The following CEPT1 variants were observed in gnomAD, a reference collection of about 807,000 sequenced individuals.
CEPT1 encodes the protein choline/ethanolamine phosphotransferase 1, also known as choline/ethanolaminephosphotransferase 1.
Under a neutral mutation model 42.6 loss-of-function variants are expected in CEPT1, and 7 were observed. The observed-to-expected ratio is 0.16, with a 90% CI of 0.09 to 0.31. CEPT1 has a LOEUF of 0.31. CEPT1 is among the 10% of genes least tolerant of loss of function. CEPT1 has a pLI of 1.00. For missense variants in CEPT1, 306 were observed against 502.1 expected (o/e 0.61, Z 3.73); for synonymous variants, 171 against 171.9 (o/e 0.99, Z 0.04).
Position 111,159,547 on chromosome 1 carries a change from T to C in CEPT1, c.487+20T>C. ...CAACAGGTATTGTTGATTTTTTTAA[T>C]GTTATTGATTATTAACAATGGTTAA... On this transcript the variant is annotated intron_variant, in intron 3 of 8. Coordinates refer to ENST00000357172, the MANE Select transcript of CEPT1 (RefSeq NM_006090.5). 4 of 1,595,688 alleles carry C rather than the reference T, an allele frequency of 2.5e-6. No individual in the cohort carries two copies. Among genetic ancestry groups the C allele is most frequent in the Non-Finnish European group, 3.4e-6 (4 of 1,171,418 alleles).
intron 4 of CEPT1, among the ~76,000 whole-genome samples, chr1:111,169,151 T>C (rs1227841658): frequency 6.6e-6 from 1 of 152,208 alleles, no homozygotes; most frequent in Non-Finnish European, 1.5e-5. Flanking sequence ...TTTTGACCTG[T>C]GGTTGGTGTA....
chr1:111,162,996 G>A (rs533416720), intron 4 of CEPT1, among the ~76,000 whole-genome samples: 3 of 152,068 alleles, frequency 2.0e-5, no homozygotes, highest in Non-Finnish European at 4.4e-5. Flanking sequence ...AAATCTGCTA[G>A]AGAAGAGATT....
chr1:111,142,286 A>T (rs781126712), intron 1 of CEPT1, among the ~76,000 whole-genome samples: 1 of 152,150 alleles, frequency 6.6e-6, no homozygotes, highest in African/African-American at 2.4e-5. Flanking sequence ...GTCAGACCGT[A>T]TGTGTTTTCC....
chr1:111,182,381 GT>G, intron 6 of CEPT1, 63 bp downstream of exon 6: 1 of 1,486,814 alleles, frequency 6.7e-7, no homozygotes, highest in Non-Finnish European at 9.2e-7. Context: ...TTGTCATTTT[GT>G]TTTTTATTTC....
chr1:111,146,380 TAAC>T (rs1216761053), intron 1 of CEPT1, among the ~76,000 whole-genome samples: 2 of 152,098 alleles, frequency 1.3e-5, no homozygotes, highest in Non-Finnish European at 2.9e-5. Flanking sequence ...AGCCAAAAAA[TAAC>T]AAACTGATTT....
At chr1:111,160,570 T>G (rs1655813774) in intron 3 of CEPT1, 1 of 152,620 alleles carries the variant, frequency 6.6e-6, no homozygotes, top group South Asian at 2.1e-4. Context: ...AAACTTCTGT[T>G]GAATAAATGG....
chr1:111,182,196 C>A lies in CEPT1; in HGVS notation c.724C>A (p.Leu242Met). The A allele has an allele frequency of 6.2e-7, 1 of 1,602,600 alleles. No individual in the cohort carries two copies. Among genetic ancestry groups the A allele is most frequent in the Non-Finnish European group, 8.5e-7 (1 of 1,172,510 alleles). ...PPFWQSMIPV[L>M]NIQMKIFPAL... ...TCTCTACCCATTAAAGATTCCAGTGCTGAATATTCAAATGAAAATTTTTCC... is the reference window on the plus strand; with the variant it reads ...TCTCTACCCATTAAAGATTCCAGTGATGAATATTCAAATGAAAATTTTTCC... The change falls in exon 6 of 9, where the codon CTG becomes ATG. Residue 242 changes from leucine to methionine, a missense_variant. Leu to Met is a conservative substitution (Grantham distance 15, BLOSUM62 2). Coordinates refer to ENST00000357172, the MANE Select transcript of CEPT1 (RefSeq NM_006090.5).
At chr1:111,159,927 TAAG>T (rs372496568) in intron 3 of CEPT1, 43 of 155,370 alleles carry the variant, frequency 2.8e-4, no homozygotes, top group African/African-American at 9.1e-4. Context: ...AACTACGTCA[TAAG>T]AAGCTCAGAG....
At chr1:111,178,071 C>T (rs957181080) in intron 5 of CEPT1, 2 of 152,100 alleles carry the variant, frequency 1.3e-5, no homozygotes, top group Non-Finnish European at 2.9e-5. Flanking sequence ...ACTGAATATG[C>T]TGTTTTGAAT....
chr1:111,174,452 TTTAA>T (rs1379309311), intron 4 of CEPT1, among the ~76,000 whole-genome samples: 1 of 152,120 alleles, frequency 6.6e-6, no homozygotes, highest in Non-Finnish European at 1.5e-5. Context: ...TTATGTTAAC[TTTAA>T]TTAAAGCACA....
chr1:111,174,133 A>G (rs1656559231), intron 4 of CEPT1, among the ~76,000 whole-genome samples: 1 of 152,204 alleles, frequency 6.6e-6, no homozygotes, highest in African/African-American at 2.4e-5. Flanking sequence ...AGAGGAAAGG[A>G]AAAACAGCAT....
At chr1:111,160,677 T>TG (rs1339169289) in intron 3 of CEPT1, 1 of 153,044 alleles carries the variant, frequency 6.5e-6, no homozygotes, top group Non-Finnish European at 1.5e-5. Context: ...ATTTTTGCGT[T>TG]GTAGTTTGAG....
intron 4 of CEPT1, among the ~76,000 whole-genome samples, chr1:111,170,131 G>A (rs1656347696): frequency 2.6e-5 from 4 of 152,178 alleles, no homozygotes. Flanking sequence ...GGAAGAATAA[G>A]TTCATGATCC....
At position 111,151,194 on chromosome 1, in the gene CEPT1, G is replaced by A. The variant is rs181090533; in HGVS notation, c.339+3141G>A. On this transcript the variant is annotated intron_variant, in intron 2 of 8. Transcript: ENST00000357172. ...GGCTGGAGTGCAGTGGCGCAGTCTC[G>A]GTTCACTGCAACCTCCACCTCCCTG... Among the ~76,000 whole-genome samples the A allele has an allele frequency of 3.9e-3, 583 of 150,172 alleles. 6 individuals carry two copies. The highest frequency in any genetic ancestry group is 0.014 in the African/African-American group (551 of 40,806).
At chr1:111,148,122 C>A in intron 2 of CEPT1, 69 bp downstream of exon 2, 1 of 1,140,206 alleles carries the variant, frequency 8.8e-7, no homozygotes. Context: ...ATCGTGGGGT[C>A]ATTTTAACTA....
At position 111,184,507 on chromosome 1, in the gene CEPT1, A is replaced by G. The variant is rs1433039579; in HGVS notation, c.*197A>G. 1 of 445,594 alleles carries G rather than the reference A, an allele frequency of 2.2e-6. No individual in the cohort carries two copies. Among genetic ancestry groups the G allele is most frequent in the Non-Finnish European group, 4.0e-6 (1 of 252,408 alleles). The allele number at this position is 445,594 out of a possible 1,614,324, so 27.6% of individuals were successfully genotyped here. On this transcript the variant is annotated 3_prime_UTR_variant, in exon 9 of 9. Coordinates refer to ENST00000357172, the MANE Select transcript of CEPT1 (RefSeq NM_006090.5). ...TCAAGTCCCATCTTGTAAATTGTATATGTTGTCATGCAGGGTTTGGGCCAA... is the reference window on the plus strand; with the variant it reads ...TCAAGTCCCATCTTGTAAATTGTATGTGTTGTCATGCAGGGTTTGGGCCAA...
chr1:111,148,039 A>G lies in CEPT1; in HGVS notation c.325A>G (p.Thr109Ala). ...TATTTTATTAGTCTTCTACTGCCCT[A>G]CAGCTACAGAGCAGGTAAGAGTTTC... Reference protein sequence around the residue: ...TTILLVFYCPTATEQAPLWAY... With the variant: ...TTILLVFYCPAATEQAPLWAY... Residue 109 changes from threonine to alanine, a missense_variant, in exon 2 of 9, where the codon ACA becomes GCA. Transcript: ENST00000357172. 1.2e-6 allele frequency: 2 copies of G among 1,613,298 alleles called. No individual in the cohort carries two copies. Among genetic ancestry groups the G allele is most frequent in the Non-Finnish European group, 1.7e-6 (2 of 1,179,184 alleles).
intron 2 of CEPT1, among the ~76,000 whole-genome samples, 153 bp downstream of exon 2, chr1:111,148,206 C>T (rs1655078459): frequency 6.6e-6 from 1 of 152,142 alleles, no homozygotes; most frequent in African/African-American, 2.4e-5. Context: ...GTAAGTACAG[C>T]CTACACACTT....
intron 3 of CEPT1, 72 bp downstream of exon 3, chr1:111,159,599 ACATGTTTAGT>A: frequency 8.6e-7 from 1 of 1,165,148 alleles, no homozygotes; most frequent in Non-Finnish European, 1.2e-6. Context: ...GTGTTAGAAT[ACATGTTTAGT>A]CATGAGAATA....
Sources: allele counts gnomAD v4.1 joint callset (sites outside exome capture counted in the v4.1 genomes callset), GRCh38; gene constraint gnomAD v4.1.1; transcripts MANE v1.5; gene names NCBI Gene and HGNC (gene_info 2026-07-23, HGNC 2026-07-21).